The following CEP63 variants were observed in gnomAD, a reference collection of about 807,000 sequenced individuals.
CEP63 encodes centrosomal protein of 63 kDa.
CEP63 carries 84 observed loss-of-function variants against 89.1 expected under a neutral mutation model. The ratio of observed to expected loss-of-function variants is 0.94; its 90% CI spans 0.79 to 1.13. The LOEUF (loss-of-function observed/expected upper bound fraction) is 1.13. CEP63 is among the 50% of genes most tolerant of loss of function. The pLI, the probability that CEP63 is intolerant of heterozygous loss-of-function variation, is 0.00. For synonymous variants in CEP63, 267 were observed against 272.5 expected, an observed-to-expected ratio of 0.98 and a Z score of 0.20; for missense variants, 838 against 813.3, an observed-to-expected ratio of 1.03 and a Z score of -0.37.
the CEP63 span, among the ~76,000 whole-genome samples, chr3:134,730,132 A>G: frequency 1.3e-5 from 2 of 152,224 alleles, no homozygotes; most frequent in Non-Finnish European, 1.5e-5. Context: ...GTCAAATAAA[A>G]TGCAGTACAC....
intron 10 of CEP63, among the ~76,000 whole-genome samples, chr3:134,585,056 A>G (rs1420219856): frequency 6.7e-6 from 1 of 148,846 alleles, no homozygotes; most frequent in African/African-American, 2.5e-5. Flanking sequence ...ATCATTTTTA[A>G]TTGCGTCTAT....
chr3:134,546,304 A>G lies in CEP63; in HGVS notation c.929+16A>G, dbSNP rs778387697. 3 of 1,608,118 alleles carry G rather than the reference A, an allele frequency of 1.9e-6. No homozygotes were observed. The Admixed American group carries it at 5.0e-5, about 27-fold the overall frequency. ...AAGCTATAAGGTAAATTTAATCTTAAATATTATTCATCTTAGCCACTTAAT... is the reference window on the plus strand; with the variant it reads ...AAGCTATAAGGTAAATTTAATCTTAGATATTATTCATCTTAGCCACTTAAT... On this transcript the variant is annotated intron_variant, in intron 8 of 14. Coordinates refer to ENST00000675561, the MANE Select transcript of CEP63 (RefSeq NM_001353108.3).
the CEP63 span, among the ~76,000 whole-genome samples, chr3:134,677,285 T>A: frequency 1.3e-5 from 2 of 152,190 alleles, no homozygotes; most frequent in African/African-American, 4.8e-5. Context: ...TTGACTTTAC[T>A]TCGCACCCTT....
At chr3:134,604,223 G>C in the CEP63 span, 1 of 1,613,394 alleles carries the variant, frequency 6.2e-7, no homozygotes, top group African/African-American at 1.3e-5. Context: ...GGCTGGTGAA[G>C]CTCAGCAGGC....
chr3:134,690,488 C>A, the CEP63 span, among the ~76,000 whole-genome samples: 5 of 152,158 alleles, frequency 3.3e-5, no homozygotes, highest in Non-Finnish European at 7.3e-5. Flanking sequence ...GTTGCTGAGG[C>A]TCATAGGATG....
chr3:134,771,827 A>C, the CEP63 span, among the ~76,000 whole-genome samples: 1 of 152,304 alleles, frequency 6.6e-6, no homozygotes, highest in East Asian at 1.9e-4. Context: ...ACACAATAAA[A>C]CAAAATGTAA....
At chr3:134,560,365 C>G (rs1957132213) in intron 14 of CEP63, among the ~76,000 whole-genome samples, 1 of 152,224 alleles carries the variant, frequency 6.6e-6, no homozygotes, top group Non-Finnish European at 1.5e-5. Context: ...ATCTGTAACT[C>G]CCAAATCAGT....
At chr3:134,574,015 T>C (rs187869301) in intron 11 of CEP63, among the ~76,000 whole-genome samples, 1 of 152,248 alleles carries the variant, frequency 6.6e-6, no homozygotes, top group Non-Finnish European at 1.5e-5. Flanking sequence ...CACACTACAG[T>C]CTCTGTAGGT....
chr3:134,533,949 TCCACC>T (rs1348401466), intron 5 of CEP63, among the ~76,000 whole-genome samples: 1 of 152,170 alleles, frequency 6.6e-6, no homozygotes, highest in Non-Finnish European at 1.5e-5. Flanking sequence ...CTGCTTCCCT[TCCACC>T]CTTTTCGGCA....
At chr3:134,776,639 C>T in the CEP63 span, among the ~76,000 whole-genome samples, 2 of 152,120 alleles carry the variant, frequency 1.3e-5, no homozygotes, top group Admixed American at 6.6e-5. Flanking sequence ...AGTACACGCT[C>T]TTCTTGGTTT....
intron 5 of CEP63, 134 bp from the exon 6 acceptor site, chr3:134,537,021 A>G (rs1950894712): frequency 6.6e-5 from 47 of 715,034 alleles, no homozygotes; most frequent in South Asian, 6.4e-4. Flanking sequence ...TGAGTGAGTA[A>G]TGGGGCTCCC....
the CEP63 span, chr3:134,650,972 C>T: frequency 6.2e-7 from 1 of 1,613,000 alleles, no homozygotes. Context: ...ATGCCGCCTC[C>T]TTTCCGACCT....
At position 134,552,015 on chromosome 3, in the gene CEP63, A is replaced by G. The variant is rs772513891; in HGVS notation, c.1467+3A>G. The G allele has an allele frequency of 1.3e-6, 2 of 1,544,394 alleles. No individual in the cohort carries two copies. The highest frequency in any genetic ancestry group is 2.7e-5 in the African/African-American group (2 of 73,576). On this transcript the variant is annotated splice_donor_region_variant and intron_variant, in intron 12 of 14. Coordinates refer to ENST00000675561, the MANE Select transcript of CEP63 (RefSeq NM_001353108.3). ...AATTGGAATTGGGTTTACATGAGGT[A>G]CATAAATAGAAACTTAAGTTTTTCT...
intron 10 of CEP63, among the ~76,000 whole-genome samples, chr3:134,581,145 C>G (rs935701070): frequency 1.3e-5 from 2 of 152,168 alleles, no homozygotes; most frequent in African/African-American, 4.8e-5. Context: ...GGAAAGAACA[C>G]AGCCCTGTTA....
the CEP63 span, chr3:134,610,334 C>T: frequency 9.9e-6 from 16 of 1,613,626 alleles, no homozygotes; most frequent in African/African-American, 8.0e-5. Context: ...GTCTGGTAGC[C>T]GAAACCCTTG....
At chr3:134,620,865 G>C in the CEP63 span, 1 of 1,586,968 alleles carries the variant, frequency 6.3e-7, no homozygotes, top group Non-Finnish European at 8.6e-7. Flanking sequence ...CACCTGGGGA[G>C]CAGGAAGGGT....
chr3:134,492,070 C>CTTTTTTTTTTTTTTTTTTTTTTT (rs74269453), intron 1 of CEP63, among the ~76,000 whole-genome samples: 1 of 103,682 alleles, frequency 9.6e-6, no homozygotes, highest in African/African-American at 3.7e-5. Context: ...TATTTGTATT[C>CTTTTTTTTTTTTTTTTTTTTTTT]TTTTTTTTTT....
the CEP63 span, among the ~76,000 whole-genome samples, chr3:134,767,737 G>A: frequency 3.3e-5 from 5 of 152,122 alleles, no homozygotes; most frequent in African/African-American, 7.2e-5. Context: ...GGTTCTTGCC[G>A]AGGGCTTTGT....
At chr3:134,489,260 C>T (rs528164380) in intron 1 of CEP63, among the ~76,000 whole-genome samples, 24 of 151,896 alleles carry the variant, frequency 1.6e-4, no homozygotes, top group African/African-American at 4.8e-4. Flanking sequence ...TTGAACAGTG[C>T]AGTTATAAAA....
Sources: gnomAD v4.1 joint callset for allele counts (sites outside exome capture counted in the v4.1 genomes callset) on GRCh38, gnomAD v4.1.1 for gene constraint, MANE v1.5 for transcripts, NCBI Gene and HGNC (gene_info 2026-07-23, HGNC 2026-07-21) for gene names.